The following SLC39A5 variants were observed in gnomAD, a reference collection of about 807,000 sequenced individuals.
The protein encoded by SLC39A5 is solute carrier family 39 member 5, also known as zinc transporter ZIP5.
SLC39A5 carries 42 observed loss-of-function variants against 46.9 expected under a neutral mutation model. That is an observed-to-expected ratio of 0.90 (90% CI 0.70 to 1.16). The LOEUF (loss-of-function observed/expected upper bound fraction) is 1.16, where lower values mean the gene tolerates loss of function less well. SLC39A5 is among the 50% of genes most tolerant of loss of function. The pLI, the probability that SLC39A5 is intolerant of heterozygous loss-of-function variation, is 0.00. For synonymous variants in SLC39A5, 311 were observed against 323.1 expected (o/e 0.96, Z 0.40); for missense variants, 677 against 686.8 (o/e 0.99, Z 0.16).
chr12:56,235,082 T>G, intron 6 of SLC39A5, 75 bp from the exon 7 acceptor site: 1 of 1,575,736 alleles, frequency 6.3e-7, no homozygotes. Flanking sequence ...CTCCTTGTAG[T>G]GTTCTCTCTG....
At position 56,235,592 on chromosome 12, in the gene SLC39A5, A is replaced by G; in HGVS notation, c.837A>G (p.Gly279=). The G allele has an allele frequency of 1.2e-6, 2 of 1,614,110 alleles. No individual in the cohort carries two copies. Among genetic ancestry groups the G allele is most frequent in the Non-Finnish European group, 1.7e-6 (2 of 1,180,028 alleles). Residue 279 remains glycine, a synonymous_variant, in exon 8 of 13, where the codon GGA becomes GGG. Coordinates refer to ENST00000454355, the MANE Select transcript of SLC39A5 (RefSeq NM_173596.3). Reference sequence around the variant, plus strand: ...AAGGGCGGCACGCAGGACCTGGCGGACTACCAGAGAAGGACCTGGGCCCGG... The same window carrying G: ...AAGGGCGGCACGCAGGACCTGGCGGGCTACCAGAGAAGGACCTGGGCCCGG... ...AQEGRHAGPG[G]LPEKDLGPGL...
chr12:56,237,443 G>T, intron 12 of SLC39A5, 103 bp downstream of exon 12: 1 of 1,530,426 alleles, frequency 6.5e-7, no homozygotes, highest in South Asian at 1.2e-5. Flanking sequence ...TCCTGGAAGG[G>T]CGTCAGACCA....
chr12:56,235,771 G>A lies in SLC39A5; in HGVS notation c.945+71G>A, dbSNP rs775446792. ...AGTCAAGAACTGGGCCAGGCCGGGC[G>A]CGGTGGCTCACGCCTGTAATCCCAG... On this transcript the variant is annotated intron_variant, in intron 8 of 12. Coordinates refer to ENST00000454355, the MANE Select transcript of SLC39A5 (RefSeq NM_173596.3). The A allele has an allele frequency of 2.4e-5, 38 of 1,598,390 alleles. No individual in the cohort carries two copies. In the Admixed American group the frequency reaches 2.4e-4, roughly 10 times the overall value.
Position 56,236,853 on chromosome 12 carries a change from A to C in SLC39A5, c.1208-78A>C, listed in dbSNP as rs549403855. ...GTCAGGAAGATGGGGAGAGGACGGGAGGACCACGGAACACAGGAACCTGCT... is the reference window on the plus strand; with the variant it reads ...GTCAGGAAGATGGGGAGAGGACGGGCGGACCACGGAACACAGGAACCTGCT... On this transcript the variant is annotated intron_variant, in intron 10 of 12. Coordinates refer to ENST00000454355, the MANE Select transcript of SLC39A5 (RefSeq NM_173596.3). 3 of 1,595,908 alleles carry C rather than the reference A, an allele frequency of 1.9e-6. No homozygotes were observed. The Admixed American group carries it at 5.1e-5, about 27-fold the overall frequency.
chr12:56,231,870 C>T (rs927301410), intron 4 of SLC39A5, among the ~76,000 whole-genome samples: 3 of 152,070 alleles, frequency 2.0e-5, no homozygotes, highest in Admixed American at 6.6e-5. Context: ...GGACCATAGG[C>T]ACACACCACC....
At chr12:56,233,387 T>C (rs532761576) in intron 5 of SLC39A5, among the ~76,000 whole-genome samples, 1 of 150,522 alleles carries the variant, frequency 6.6e-6, no homozygotes, top group East Asian at 1.9e-4. Context: ...GAGGCGGAGA[T>C]TGCAGTCAGC....
chr12:56,235,240 C>A lies in SLC39A5; in HGVS notation c.718C>A (p.Arg240Ser). 42 of 1,585,574 alleles carry A rather than the reference C, an allele frequency of 2.6e-5. No homozygotes were observed. The highest frequency in any genetic ancestry group is 3.6e-5 in the Non-Finnish European group (42 of 1,167,922). ...GCTGCTGCTGCGGCTCCTGGGACCT[C>A]GTCTACTACGGCCCTTGCTGGGCTT... ...SLLLLRLLGP[R>S]LLRPLLGFLG... The change falls in exon 7 of 13, where the codon CGT (arginine) becomes AGT (serine). Residue 240 changes from arginine to serine, a missense_variant. Physicochemically the swap from Arg to Ser is moderately radical, Grantham distance 110. Transcript: ENST00000454355.
chr12:56,236,427 A>G lies in SLC39A5; in HGVS notation c.977A>G (p.Glu326Gly). ...TGCAGGCGAAAACGAAGGAATCTCG[A>G]AACACGCAACTTGGATCCGGAGAAT... ...RCCRRKRRNL[E>G]TRNLDPENGS... Residue 326 changes from glutamate (E) to glycine (G), a missense_variant, in exon 9 of 13, where the codon GAA becomes GGA. Coordinates refer to ENST00000454355, the MANE Select transcript of SLC39A5 (RefSeq NM_173596.3). The G allele has an allele frequency of 3.7e-6, 6 of 1,614,260 alleles. No individual in the cohort carries two copies. In the Admixed American group the frequency reaches 1.0e-4, roughly 27 times the overall value.
intron 8 of SLC39A5, chr12:56,235,947 G>A (rs577435687): frequency 6.5e-5 from 34 of 519,286 alleles, no homozygotes; most frequent in Admixed American, 4.6e-4. Flanking sequence ...GGAGGCTGAG[G>A]CAGGAGAATC....
At chr12:56,237,081 G>C in intron 11 of SLC39A5, 69 bp from the exon 12 acceptor site, 1 of 1,611,828 alleles carries the variant, frequency 6.2e-7, no homozygotes, top group Non-Finnish European at 8.5e-7. Context: ...GAGCTTGGAG[G>C]CTGGTGGGTG....
rs1378626605 is a variant in SLC39A5, at chr12:56,232,783, C to T, written c.382C>T (p.Leu128=). The T allele has an allele frequency of 1.9e-6, 3 of 1,612,610 alleles. No individual in the cohort carries two copies. The highest frequency in any genetic ancestry group is 2.7e-5 in the African/African-American group (2 of 74,808). ...GDLEESKAPH[L]PRGPAPSGLD... is the part of the protein sequence containing the mutation. ...CCTGGAAGAGTCAAAGGCCCCTCAC[C>T]TACCCCGTGGGCCAGCCCCCTCGGG... The change falls in exon 5 of 13, where the codon CTA becomes TTA. Residue 128 remains leucine (L), a synonymous_variant. Transcript: ENST00000454355.
Position 56,236,937 on chromosome 12 carries a change from C to T in SLC39A5, c.1214C>T (p.Ala405Val). Reference protein sequence around the residue: ...NLTDGLAIGAAFSDGFSSGLS... With the variant: ...NLTDGLAIGAVFSDGFSSGLS... ...CCGACCCTGCTGGCCCCAGGTGCTG[C>T]CTTCTCTGATGGCTTCTCCAGCGGC... The change falls in exon 11 of 13, where the codon GCC becomes GTC. Residue 405 changes from alanine (A) to valine (V), a missense_variant. Transcript: ENST00000454355. 2.5e-6 allele frequency: 4 copies of T among 1,614,124 alleles called. No homozygotes were observed. Among genetic ancestry groups the T allele is most frequent in the Non-Finnish European group, 3.4e-6 (4 of 1,179,968 alleles).
chr12:56,233,456 GA>G (rs374288299), intron 5 of SLC39A5, among the ~76,000 whole-genome samples: 2 of 150,116 alleles, frequency 1.3e-5, no homozygotes, highest in East Asian at 3.9e-4. Context: ...TCTCAAAAAT[GA>G]AAATAAAAAA....
chr12:56,237,654 C>T lies in SLC39A5; in HGVS notation c.1546C>T (p.Leu516=), dbSNP rs771608343. ...TPHVLLQGLG[L]LLGGGLMLAI... is the part of the protein sequence containing the mutation. The stretch of plus-strand genomic sequence containing the variant: ...CCATGTGCTCCTGCAGGGGCTGGGG[C>T]TGCTGCTGGGGGGCGGCCTCATGCT... The change falls in exon 13 of 13, where the codon CTG becomes TTG. Residue 516 remains leucine (L), a synonymous_variant. Coordinates refer to ENST00000454355, the MANE Select transcript of SLC39A5 (RefSeq NM_173596.3). 1 of 1,611,044 alleles carries T rather than the reference C, an allele frequency of 6.2e-7. No homozygotes were observed. The highest frequency in any genetic ancestry group is 8.5e-7 in the Non-Finnish European group (1 of 1,178,840).
In SLC39A5 at chr12:56,234,975, A is replaced by T. The variant is rs754058577; in HGVS notation, c.623A>T (p.Asp208Val). The change falls in exon 6 of 13, where the codon GAT becomes GTT. Residue 208 changes from aspartate to valine, a missense_variant. Transcript: ENST00000454355. ...GCTCCGGCCCCTGCACCCCCAGGGG[A>T]TCTACTATCTGGTCAGCAAGTAGGA... is the stretch of plus-strand genomic sequence containing the variant. ...IGAPAPAPPG[D>V]LLSALLQSAL... 3.1e-5 allele frequency: 50 copies of T among 1,613,070 alleles called. No individual in the cohort carries two copies. The South Asian group carries it at 5.2e-4, about 17-fold the overall frequency.
rs753936281 is a variant in SLC39A5, at chr12:56,231,413, T to C, written c.139T>C (p.Tyr47His). The change falls in exon 4 of 13, where the codon TAC (tyrosine) becomes CAC (histidine). Residue 47 changes from tyrosine (Y) to histidine (H), a missense_variant. Transcript: ENST00000454355. Reference sequence around the variant, plus strand: ...TTACCTGGCCCAGCTGTTTGGCCTGTACGGCGAGAATGGGACGCTGACTGC... The same window carrying C: ...TTACCTGGCCCAGCTGTTTGGCCTGCACGGCGAGAATGGGACGCTGACTGC... ...NHYLAQLFGLYGENGTLTAGG... is the reference protein window; with the variant it reads ...NHYLAQLFGLHGENGTLTAGG... The C allele has an allele frequency of 8.1e-6, 13 of 1,614,136 alleles. No individual in the cohort carries two copies. Among genetic ancestry groups the C allele is most frequent in the Non-Finnish European group, 1.1e-5 (13 of 1,180,012 alleles).
intron 12 of SLC39A5, 74 bp downstream of exon 12, chr12:56,237,414 C>T (rs1175078316): frequency 9.8e-6 from 15 of 1,531,578 alleles, no homozygotes; most frequent in African/African-American, 5.5e-5. Context: ...GTAGCAGTCC[C>T]TCCGCCTCTA....
intron 7 of SLC39A5, 22 bp from the exon 8 acceptor site, chr12:56,235,538 G>A: frequency 6.2e-7 from 1 of 1,611,950 alleles, no homozygotes; most frequent in African/African-American, 1.3e-5. Flanking sequence ...TCCAGAGTCT[G>A]CCCTGACCTT....
In SLC39A5 at chr12:56,236,577, C is replaced by G; in HGVS notation, c.1043-5C>G. ...ACCAACACTGTCCTGTGCTTCTTCC[C>G]GCAGAGCCAGGGGCTCAGGGCCAGA... On this transcript the variant is annotated splice_region_variant and splice_polypyrimidine_tract_variant and intron_variant, in intron 9 of 12. Coordinates refer to ENST00000454355, the MANE Select transcript of SLC39A5 (RefSeq NM_173596.3). 1 of 1,612,614 alleles carries G rather than the reference C, an allele frequency of 6.2e-7. No homozygotes were observed. The highest frequency in any genetic ancestry group is 8.5e-7 in the Non-Finnish European group (1 of 1,178,910).
Sources: allele counts gnomAD v4.1 joint callset (sites outside exome capture counted in the v4.1 genomes callset), GRCh38; gene constraint gnomAD v4.1.1; transcripts MANE v1.5; gene names NCBI Gene and HGNC (gene_info 2026-07-23, HGNC 2026-07-21).